CCDC148: variants seen among roughly 807,000 people sequenced by gnomAD.
The protein encoded by CCDC148 is coiled-coil domain containing 148, also known as coiled-coil domain-containing protein 148.
Under a neutral mutation model 85.7 loss-of-function variants are expected in CCDC148, and 89 were observed. The observed-to-expected ratio is 1.04, with a 90% confidence interval of 0.87 to 1.24. The LOEUF (loss-of-function observed/expected upper bound fraction) is 1.24. Ranked by LOEUF, CCDC148 falls within the 50% of genes most tolerant of loss-of-function variation. CCDC148 has a pLI of 0.00. For missense variants in CCDC148, 692 were observed against 671.7 expected, an observed-to-expected ratio of 1.03 and a Z score of -0.33; for synonymous variants, 230 against 213.9, an observed-to-expected ratio of 1.08 and a Z score of -0.66.
intron 1 of CCDC148, among the ~76,000 whole-genome samples, chr2:158,363,358 C>G (rs1276427560): frequency 5.9e-5 from 9 of 151,932 alleles, no homozygotes; most frequent in Admixed American, 2.0e-4. Context: ...AGAGACACAA[C>G]AAAAAAAGAA....
At chr2:158,180,221 A>C (rs989785425) in intron 11 of CCDC148, among the ~76,000 whole-genome samples, 2 of 152,086 alleles carry the variant, frequency 1.3e-5, no homozygotes, top group African/African-American at 4.8e-5. Flanking sequence ...GACCTTTTAC[A>C]TTCTGGATTC....
chr2:158,320,272 T>G (rs530481717), intron 7 of CCDC148, among the ~76,000 whole-genome samples: 1 of 152,268 alleles, frequency 6.6e-6, no homozygotes, highest in Non-Finnish European at 1.5e-5. Context: ...AAGAATGAAT[T>G]AAAAGAGTGA....
rs1388250171 is a variant in CCDC148 at position 158,447,190 on chromosome 2, A to G, written c.25+9225T>C. 2.6e-5 allele frequency: 4 copies of G among 152,150 alleles called. No individual in the cohort carries two copies. In the East Asian group the frequency reaches 7.7e-4, roughly 29 times the overall value. 9.4% of individuals were successfully genotyped at this position (152,150 alleles called of 1,614,324 possible). ...AAGAGAATAGGCCTCTCTACATTGC[A>G]TAGACGGGCGTGCAGTGGTATCGAT... On this transcript the variant is annotated intron_variant, in intron 1 of 13. Transcript: ENST00000283233.
chr2:158,250,111 G>A (rs1688728338), intron 10 of CCDC148, among the ~76,000 whole-genome samples: 1 of 151,840 alleles, frequency 6.6e-6, no homozygotes, highest in Non-Finnish European at 1.5e-5. Context: ...TTTGTGGTGG[G>A]AAAAAACATA....
At position 158,340,358 on chromosome 2, in the gene CCDC148, T is replaced by G. The variant is rs1682617169; in HGVS notation, c.370A>C (p.Lys124Gln). 6.8e-6 allele frequency: 11 copies of G among 1,613,958 alleles called. No individual in the cohort carries two copies. Among genetic ancestry groups the G allele is most frequent in the Non-Finnish European group, 9.3e-6 (11 of 1,179,932 alleles). Reference sequence around the variant, plus strand: ...TGCTGAATAGGATTTATTACATTTTTAAGATATGTGCACTGTTGTTCTGAT... The same window carrying G: ...TGCTGAATAGGATTTATTACATTTTGAAGATATGTGCACTGTTGTTCTGAT... ...ELSEQQCTYL[K>Q]NVINPIQQLR... The change falls in exon 5 of 14, where the codon AAA becomes CAA. Residue 124 changes from lysine to glutamine, a missense_variant. Coordinates refer to ENST00000283233, the MANE Select transcript of CCDC148 (RefSeq NM_138803.4).
At chr2:158,210,665 C>A (rs779492271) in intron 11 of CCDC148, among the ~76,000 whole-genome samples, 1 of 151,450 alleles carries the variant, frequency 6.6e-6, no homozygotes, top group South Asian at 2.1e-4. Context: ...CACTCAAGGC[C>A]GGGTGCGGTG....
At chr2:158,335,915 C>A (rs564459841) in intron 7 of CCDC148, among the ~76,000 whole-genome samples, 1 of 152,056 alleles carries the variant, frequency 6.6e-6, no homozygotes, top group Admixed American at 6.6e-5. Flanking sequence ...CATTTCAAAC[C>A]AAACCAGCGA....
Position 158,178,978 on chromosome 2 carries a change from T to C in CCDC148, c.1389A>G (p.Glu463=), listed in dbSNP as rs771049312. Residue 463 remains glutamate (E), a synonymous_variant, in exon 12 of 14, where the codon GAA becomes GAG. Coordinates refer to ENST00000283233, the MANE Select transcript of CCDC148 (RefSeq NM_138803.4). ...KDRERVKYRQ[E]LLERRLMEKK... ...TCTCCATCAAACGCCTTTCCAATAA[T>C]TCTTGTCTATATTTAACCCTTTAAA... 1.2e-6 allele frequency: 2 copies of C among 1,612,786 alleles called. No individual in the cohort carries two copies. The highest frequency in any genetic ancestry group is 1.7e-5 in the Admixed American group (1 of 59,974).
In CCDC148 at chr2:158,240,452, T is replaced by TCTCTCTCTCACA. The variant is rs941238898; in HGVS notation, c.1251+10319_1251+10320insTGTGAGAGAGAG. On this transcript the variant is annotated intron_variant, in intron 10 of 13. Transcript: ENST00000283233. Reference sequence around the variant, plus strand: ...CTCTCTCTTTCTCTCTCTCTCTCTCTCACACACACACACACACACACACAC... The same window carrying TCTCTCTCTCACA: ...CTCTCTCTTTCTCTCTCTCTCTCTCTCTCTCTCTCACACACACACACACACACACACACACAC... 6.2e-3 allele frequency among the ~76,000 whole-genome samples: 748 copies of TCTCTCTCTCACA among 120,528 alleles called. 4 individuals are homozygous for TCTCTCTCTCACA. Among genetic ancestry groups the TCTCTCTCTCACA allele is most frequent in the South Asian group, 0.023 (72 of 3,102 alleles). The allele number at this position is 120,528 out of a possible 152,430, so 79.1% of individuals were successfully genotyped here.
chr2:158,244,021 T>C (rs1042012818), intron 10 of CCDC148, among the ~76,000 whole-genome samples: 5 of 152,100 alleles, frequency 3.3e-5, no homozygotes, highest in Non-Finnish European at 7.4e-5. Flanking sequence ...CATCCTAATT[T>C]TTCCAGTTTC....
intron 10 of CCDC148, among the ~76,000 whole-genome samples, chr2:158,243,590 G>A (rs888878587): frequency 1.3e-5 from 2 of 152,144 alleles, no homozygotes; most frequent in African/African-American, 2.4e-5. Context: ...AGGCCTGCTA[G>A]TTTGAAAAGA....
At chr2:158,269,542 T>G (rs992673711) in intron 9 of CCDC148, among the ~76,000 whole-genome samples, 2 of 152,178 alleles carry the variant, frequency 1.3e-5, no homozygotes, top group African/African-American at 4.8e-5. Flanking sequence ...GCAAGAAAGT[T>G]TATACCCTAT....
chr2:158,291,098 A>G (rs890226822), intron 9 of CCDC148, among the ~76,000 whole-genome samples: 2 of 151,936 alleles, frequency 1.3e-5, no homozygotes, highest in Admixed American at 1.3e-4. Context: ...GTTCCCAGCT[A>G]TGAGACTGAT....
intron 2 of CCDC148, among the ~76,000 whole-genome samples, chr2:158,351,534 G>A (rs750417820): frequency 4.6e-5 from 7 of 152,102 alleles, no homozygotes; most frequent in Non-Finnish European, 7.4e-5. Context: ...AAAAACCGGC[G>A]CATCACGAGA....
chr2:158,314,681 T>C (rs1326350410), intron 7 of CCDC148, among the ~76,000 whole-genome samples: 1 of 152,236 alleles, frequency 6.6e-6, no homozygotes, highest in Admixed American at 6.5e-5. Flanking sequence ...TAATATCTTT[T>C]TATATTCTGA....
At chr2:158,262,940 C>T (rs940715968) in intron 9 of CCDC148, among the ~76,000 whole-genome samples, 2 of 152,014 alleles carry the variant, frequency 1.3e-5, no homozygotes, top group Non-Finnish European at 2.9e-5. Flanking sequence ...AGTATCTAAA[C>T]CACAGGGCCA....
intron 9 of CCDC148, among the ~76,000 whole-genome samples, chr2:158,307,812 A>C (rs1319277589): frequency 6.6e-6 from 1 of 152,252 alleles, no homozygotes; most frequent in Non-Finnish European, 1.5e-5. Flanking sequence ...ATTTATATGA[A>C]GTTCAGGAAC....
chr2:158,392,974 A>G (rs558068180), intron 1 of CCDC148, among the ~76,000 whole-genome samples: 38 of 152,226 alleles, frequency 2.5e-4, no homozygotes, highest in Admixed American at 2.2e-3. Context: ...TGCTTACATT[A>G]CAAGTATTAT....
chr2:158,223,653 G>A (rs766027782), intron 10 of CCDC148, among the ~76,000 whole-genome samples: 2 of 152,122 alleles, frequency 1.3e-5, no homozygotes, highest in African/African-American at 4.8e-5. Flanking sequence ...AGCAACATTT[G>A]CTGTTCACCA....
Sources: allele counts gnomAD v4.1 joint callset (sites outside exome capture counted in the v4.1 genomes callset), GRCh38; gene constraint gnomAD v4.1.1; transcripts MANE v1.5; gene names NCBI Gene and HGNC (gene_info 2026-07-23, HGNC 2026-07-21).